The following SFMBT2 variants were observed in gnomAD, a reference collection of about 807,000 sequenced individuals.
SFMBT2 encodes the protein scm-like with four MBT domains protein 2.
Under a neutral mutation model 110.1 loss-of-function variants are expected in SFMBT2, and 38 were observed. The observed-to-expected ratio is 0.35, with a 90% CI of 0.27 to 0.45. The LOEUF (loss-of-function observed/expected upper bound fraction) is 0.45, where lower values mean the gene tolerates loss of function less well. Ranked by LOEUF, SFMBT2 falls within the 20% of genes least tolerant of loss-of-function variation. The pLI is 1.00. For missense variants in SFMBT2, 1,011 were observed against 1,094.9 expected, an observed-to-expected ratio of 0.92 and a Z score of 1.08; for synonymous variants, 425 against 425.4, an observed-to-expected ratio of 1.00 and a Z score of 0.01.
In SFMBT2 at chr10:7,408,571, C is replaced by T. The variant is rs1376142403; in HGVS notation, c.-52+2290G>A. Among the ~76,000 whole-genome samples, 2 of 152,010 alleles carry T rather than the reference C, an allele frequency of 1.3e-5. No individual in the cohort carries two copies. The highest frequency in any genetic ancestry group is 2.9e-5 in the Non-Finnish European group (2 of 67,888). ...TCCTCCCACCTGCCCCCGCCAGCCC[C>T]GGGGACCGTGCGCGGCCTCCGTGTG... is the stretch of plus-strand genomic sequence containing the variant. On this transcript the variant is annotated intron_variant, in intron 1 of 20. Transcript: ENST00000397167. The surrounding 1 kb of genome is among the most constrained non-coding windows in gnomAD (Gnocchi z 5.7).
intron 11 of SFMBT2, among the ~76,000 whole-genome samples, chr10:7,216,516 C>G (rs1287806161): frequency 6.6e-6 from 1 of 152,182 alleles, no homozygotes; most frequent in African/African-American, 2.4e-5. Flanking sequence ...ACCTATTTTT[C>G]TCATCAGTCT....
At chr10:7,186,308 T>C (rs1159893164) in intron 16 of SFMBT2, among the ~76,000 whole-genome samples, 6 of 151,782 alleles carry the variant, frequency 4.0e-5, no homozygotes, top group Non-Finnish European at 2.9e-5. Flanking sequence ...CCTCTCTTCC[T>C]GAAAACAGTC....
At chr10:7,189,591 CT>C (rs1188074829) in intron 15 of SFMBT2, among the ~76,000 whole-genome samples, 18 of 152,164 alleles carry the variant, frequency 1.2e-4, no homozygotes, top group African/African-American at 4.3e-4. Context: ...GGATAAAGAC[CT>C]TACAGAACGT....
rs1840961795 is a variant in SFMBT2, at chr10:7,255,226, C to T, written c.871-6577G>A. ...GAGTTCCTGGGTCCTGAAGACAATT[C>T]GCCAAACCGATTATGTACTAAGAGA... On this transcript the variant is annotated intron_variant, in intron 7 of 20. Transcript: ENST00000397167. Among the ~76,000 whole-genome samples the T allele has an allele frequency of 2.0e-5, 3 of 152,288 alleles. No individual in the cohort carries two copies. In the East Asian group the frequency reaches 5.8e-4, roughly 29 times the overall value.
At chr10:7,375,176 T>C (rs1845167366) in intron 2 of SFMBT2, among the ~76,000 whole-genome samples, 3 of 152,226 alleles carry the variant, frequency 2.0e-5, no homozygotes, top group Admixed American at 1.3e-4. Context: ...CAGAAAGCTA[T>C]TTATGAGGCA....
Position 7,293,028 on chromosome 10 carries a change from T to G in SFMBT2, c.437-7074A>C, listed in dbSNP as rs183561275. Among the ~76,000 whole-genome samples, 1 of 152,064 alleles carries G rather than the reference T, an allele frequency of 6.6e-6. No homozygotes were observed. The highest frequency in any genetic ancestry group is 1.5e-5 in the Non-Finnish European group (1 of 68,000). On this transcript the variant is annotated intron_variant, in intron 4 of 20. Transcript: ENST00000397167. This position sits in a 1 kb window ranked among gnomAD's most constrained non-coding sequence, Gnocchi z 4.6. ...ATTTAACAAAGACATTATCTAAGAA[T>G]TGTTGGAAGCAAATGACACAGCCCT...
intron 1 of SFMBT2, among the ~76,000 whole-genome samples, chr10:7,409,672 C>CT (rs112742051): frequency 1.0e-3 from 156 of 152,190 alleles, no homozygotes; most frequent in African/African-American, 2.9e-3. Context: ...CCCATTCCTT[C>CT]TTTTTTTCCC....
chr10:7,410,210 G>A (rs1846335240), intron 1 of SFMBT2, among the ~76,000 whole-genome samples: 1 of 152,226 alleles, frequency 6.6e-6, no homozygotes, highest in Non-Finnish European at 1.5e-5. Flanking sequence ...GACCATCCTC[G>A]CTGGAGCACG....
intron 16 of SFMBT2, among the ~76,000 whole-genome samples, chr10:7,184,532 G>T (rs1332266807): frequency 1.3e-5 from 2 of 151,998 alleles, no homozygotes; most frequent in South Asian, 2.1e-4. Flanking sequence ...TTTATCAGCG[G>T]CATGAAAATG....
intron 4 of SFMBT2, among the ~76,000 whole-genome samples, chr10:7,336,555 T>C (rs1843721031): frequency 6.6e-6 from 1 of 152,176 alleles, no homozygotes; most frequent in Non-Finnish European, 1.5e-5. Context: ...TTGGGAAGGC[T>C]GAGGCGGGAG....
chr10:7,349,440 C>CTTTTTTTTTTTTTTTTTTTT lies in SFMBT2; in HGVS notation c.436+18189_436+18208dup, dbSNP rs369479041. ...CCCTGACTCTTTTTTCTTTTCTTTTCTTTTTTTTTTTTTTTTTTTTTTTTT... is the reference window on the plus strand; with the variant it reads ...CCCTGACTCTTTTTTCTTTTCTTTTCTTTTTTTTTTTTTTTTTTTTTTTTTTTTTTTTTTTTTTTTTTTTT... On this transcript the variant is annotated intron_variant, in intron 4 of 20. Coordinates refer to ENST00000397167, the MANE Select transcript of SFMBT2 (RefSeq NM_001387889.1). Among the ~76,000 whole-genome samples the CTTTTTTTTTTTTTTTTTTTT allele has an allele frequency of 2.7e-3, 125 of 46,878 alleles. 25 individuals are homozygous for CTTTTTTTTTTTTTTTTTTTT. The highest frequency in any genetic ancestry group is 4.6e-3 in the Admixed American group (11 of 2,414). 30.8% of individuals were successfully genotyped at this position (46,878 alleles called of 152,430 possible).
Position 7,273,246 on chromosome 10 carries a change from C to T in SFMBT2, c.870+3646G>A, listed in dbSNP as rs182528175. On this transcript the variant is annotated intron_variant, in intron 7 of 20. Transcript: ENST00000397167. ...AGCATTTTATCATCTTTGCAACCTA[C>T]GGACACAATGCCAAAGTCAGCCAGA... 2.9e-4 allele frequency among the ~76,000 whole-genome samples: 44 copies of T among 152,358 alleles called. No individual in the cohort carries two copies. The East Asian group carries it at 7.1e-3, about 25-fold the overall frequency.
intron 8 of SFMBT2, among the ~76,000 whole-genome samples, chr10:7,244,390 C>T (rs971668914): frequency 6.6e-6 from 1 of 152,228 alleles, no homozygotes; most frequent in African/African-American, 2.4e-5. Context: ...ACTCTCATTC[C>T]TTCCTAGACC....
chr10:7,332,107 T>C (rs969357604), intron 4 of SFMBT2, among the ~76,000 whole-genome samples: 1 of 151,738 alleles, frequency 6.6e-6, no homozygotes, highest in Non-Finnish European at 1.5e-5. Flanking sequence ...TGCGGAGTGA[T>C]GGTCACCTAT....
At chr10:7,185,006 C>T (rs1217674743) in intron 16 of SFMBT2, among the ~76,000 whole-genome samples, 1 of 152,204 alleles carries the variant, frequency 6.6e-6, no homozygotes, top group Non-Finnish European at 1.5e-5. Flanking sequence ...GAGAATGGGT[C>T]ACTGGTTTTC....
In SFMBT2 at chr10:7,301,260, T is replaced by A. The variant is rs1842548109; in HGVS notation, c.437-15306A>T. Among the ~76,000 whole-genome samples the A allele has an allele frequency of 6.6e-6, 1 of 152,190 alleles. No homozygotes were observed. The highest frequency in any genetic ancestry group is 2.4e-5 in the African/African-American group (1 of 41,438). On this transcript the variant is annotated intron_variant, in intron 4 of 20. Transcript: ENST00000397167. The surrounding 1 kb of genome is among the most constrained non-coding windows in gnomAD (Gnocchi z 4.2). ...CAGTTATTAGCGTCTTTATGTCATG[T>A]GCAAATCAGCGTGAGACACTAGTAA...
intron 4 of SFMBT2, among the ~76,000 whole-genome samples, chr10:7,303,963 T>C (rs1011298567): frequency 5.3e-5 from 8 of 152,176 alleles, no homozygotes; most frequent in Non-Finnish European, 1.2e-4. Context: ...CTAAGGATCC[T>C]GCGACACCCG....
intron 4 of SFMBT2, among the ~76,000 whole-genome samples, chr10:7,290,858 A>G (rs189923361): frequency 6.6e-6 from 1 of 152,308 alleles, no homozygotes; most frequent in East Asian, 1.9e-4. Flanking sequence ...AAAGAAAGCA[A>G]GCTATCTACA....
intron 7 of SFMBT2, among the ~76,000 whole-genome samples, chr10:7,257,182 A>G (rs978629687): frequency 3.3e-5 from 5 of 152,138 alleles, no homozygotes; most frequent in African/African-American, 1.2e-4. Flanking sequence ...ATCACGCTGG[A>G]AAAAGGAGTA....
Sources: gnomAD v4.1 joint callset for allele counts (sites outside exome capture counted in the v4.1 genomes callset) on GRCh38, gnomAD v4.1.1 for gene constraint, Gnocchi (gnomAD v3.1) non-coding constraint, MANE v1.5 for transcripts, NCBI Gene and HGNC (gene_info 2026-07-23, HGNC 2026-07-21) for gene names.